The following ARNT2 variants were observed in gnomAD, a reference collection of about 807,000 sequenced individuals.
ARNT2 encodes the protein ARNT protein 2.
In ARNT2, 36 loss-of-function variants were observed where a neutral mutation model predicts 91.7. The ratio of observed to expected loss-of-function variants is 0.39; its 90% CI spans 0.30 to 0.52. ARNT2 has a LOEUF of 0.52. Among genes scored for constraint, ARNT2 ranks in the 20% least tolerant of loss-of-function variants. ARNT2 has a pLI of 0.72. For missense variants in ARNT2, 775 were observed against 939.3 expected (o/e 0.83, Z 2.29); for synonymous variants, 365 against 347.1 (o/e 1.05, Z -0.57).
chr15:80,497,957 G>C (rs890354959), intron 5 of ARNT2, among the ~76,000 whole-genome samples: 1 of 152,194 alleles, frequency 6.6e-6, no homozygotes. Flanking sequence ...CCAAGTGTTT[G>C]CAAGAAGCTG....
At position 80,580,888 on chromosome 15, in the gene ARNT2, C is replaced by T. The variant is rs137875251; in HGVS notation, c.1752+339C>T. On this transcript the variant is annotated intron_variant, in intron 16 of 18. Transcript: ENST00000303329. ...CGCCAGGAGGGCATGAAACCACCAA[C>T]CCTTGTGACATCCCCAGACCCTCAT... is the stretch of plus-strand genomic sequence containing the variant. 2.0e-3 allele frequency among the ~76,000 whole-genome samples: 309 copies of T among 152,210 alleles called. 2 individuals carry two copies. Among genetic ancestry groups the T allele is most frequent in the Middle Eastern group, 6.8e-3 (2 of 294 alleles).
rs192115611 is a variant in ARNT2, at chr15:80,414,922, C to T, written c.31+10376C>T. On this transcript the variant is annotated intron_variant, in intron 1 of 18. Coordinates refer to ENST00000303329, the MANE Select transcript of ARNT2 (RefSeq NM_014862.4). ...TGGGTTGGAAAGATGTGGCATAAAA[C>T]AGGTTGGCTACGTGTGTGTTCCATC... 4.2e-3 allele frequency among the ~76,000 whole-genome samples: 646 copies of T among 152,238 alleles called. 3 individuals are homozygous for T. Among genetic ancestry groups the T allele is most frequent in the South Asian group, 0.018 (85 of 4,818 alleles).
chr15:80,566,960 G>A (rs1328728103), intron 12 of ARNT2, among the ~76,000 whole-genome samples: 5 of 152,142 alleles, frequency 3.3e-5, no homozygotes, highest in African/African-American at 1.2e-4. Context: ...GCCAAATTAA[G>A]GATGTTTTAT....
intron 8 of ARNT2, among the ~76,000 whole-genome samples, chr15:80,543,117 A>G (rs973096805): frequency 3.8e-5 from 5 of 131,836 alleles, no homozygotes; most frequent in Admixed American, 1.5e-4. Context: ...AAAAAAAAAA[A>G]AAAAGAAAAG....
chr15:80,420,588 A>G (rs1895847898), intron 1 of ARNT2, among the ~76,000 whole-genome samples: 1 of 151,886 alleles, frequency 6.6e-6, no homozygotes, highest in Non-Finnish European at 1.5e-5. Context: ...TATATATATT[A>G]TGAACATATG....
At chr15:80,577,068 G>A in intron 15 of ARNT2, 103 bp downstream of exon 15, 1 of 1,158,962 alleles carries the variant, frequency 8.6e-7, no homozygotes, top group Non-Finnish European at 1.3e-6. Context: ...ATGAGTTAGT[G>A]GTTACTGGCG....
intron 17 of ARNT2, among the ~76,000 whole-genome samples, chr15:80,586,967 GA>G (rs1235830999): frequency 6.6e-6 from 1 of 152,162 alleles, no homozygotes; most frequent in Non-Finnish European, 1.5e-5. Flanking sequence ...TTGCTGATCT[GA>G]AATGTTTGCA....
At chr15:80,533,062 G>A (rs548281715) in intron 8 of ARNT2, among the ~76,000 whole-genome samples, 2 of 152,322 alleles carry the variant, frequency 1.3e-5, no homozygotes, top group East Asian at 1.9e-4. Flanking sequence ...AGGAGGGACC[G>A]GCTCCATGGC....
chr15:80,557,340 C>T (rs893276944), intron 11 of ARNT2, among the ~76,000 whole-genome samples: 9 of 152,136 alleles, frequency 5.9e-5, no homozygotes, highest in Non-Finnish European at 1.0e-4. Context: ...TCTCTCCTCC[C>T]TGTGATGTCT....
At chr15:80,585,519 G>A (rs1168437307) in intron 17 of ARNT2, among the ~76,000 whole-genome samples, 1 of 152,214 alleles carries the variant, frequency 6.6e-6, no homozygotes, top group Non-Finnish European at 1.5e-5. Context: ...TAAGAACTTG[G>A]AAGAGGAGAC....
At chr15:80,527,008 C>T (rs1897649763) in intron 8 of ARNT2, among the ~76,000 whole-genome samples, 1 of 152,226 alleles carries the variant, frequency 6.6e-6, no homozygotes, top group Non-Finnish European at 1.5e-5. Context: ...GGCATGAGTA[C>T]ATCAGGTCTC....
At chr15:80,538,991 T>G (rs1004133308) in intron 8 of ARNT2, among the ~76,000 whole-genome samples, 2 of 152,096 alleles carry the variant, frequency 1.3e-5, no homozygotes, top group Non-Finnish European at 2.9e-5. Context: ...AGGAAGGAAG[T>G]AACCAAATTT....
chr15:80,430,944 A>T (rs11637814), intron 1 of ARNT2, among the ~76,000 whole-genome samples: 38,525 of 151,830 alleles, frequency 0.25, 5,303 homozygotes, highest in Non-Finnish European at 0.32. Context: ...TGGTGCATGT[A>T]CGTGGTGATG....
At chr15:80,407,964 C>A (rs575622657) in intron 1 of ARNT2, among the ~76,000 whole-genome samples, 27 of 152,238 alleles carry the variant, frequency 1.8e-4, no homozygotes, top group African/African-American at 5.5e-4. Flanking sequence ...TGTGGACATT[C>A]TCTGAGATGA....
intron 2 of ARNT2, among the ~76,000 whole-genome samples, chr15:80,455,415 G>A (rs1896467729): frequency 6.6e-6 from 1 of 152,078 alleles, no homozygotes; most frequent in South Asian, 2.1e-4. Context: ...CCAAGTTCCC[G>A]GCGGACTTCA....
In ARNT2 at chr15:80,505,927, G is replaced by GTTTTT. The variant is rs1161520898; in HGVS notation, c.623-2213_623-2209dup. Reference sequence around the variant, plus strand: ...GAAAAAATGATTCCCAACATTTGTTGTTTTTTTTTTTTTTTTTTTTGAGAC... The same window carrying GTTTTT: ...GAAAAAATGATTCCCAACATTTGTTGTTTTTTTTTTTTTTTTTTTTTTTTTGAGAC... On this transcript the variant is annotated intron_variant, in intron 5 of 18. Transcript: ENST00000303329. Among the ~76,000 whole-genome samples, 85 of 88,938 alleles carry GTTTTT rather than the reference G, an allele frequency of 9.6e-4. 6 individuals carry two copies. Among genetic ancestry groups the GTTTTT allele is most frequent in the Non-Finnish European group, 1.7e-3 (79 of 46,350 alleles). The allele number at this position is 88,938 out of a possible 152,430, so 58.3% of individuals were successfully genotyped here. A position where few individuals can be genotyped will look rare whatever the true frequency, so the allele number is the denominator to read the frequency against.
chr15:80,458,014 A>G (rs1896503801), intron 3 of ARNT2, 38 bp downstream of exon 3: 2 of 1,582,536 alleles, frequency 1.3e-6, no homozygotes, highest in Non-Finnish European at 8.7e-7. Context: ...TAAAGAAGGC[A>G]ATAGCCAGCA....
chr15:80,467,234 A>G (rs896658816), intron 3 of ARNT2, among the ~76,000 whole-genome samples: 1 of 152,200 alleles, frequency 6.6e-6, no homozygotes. Context: ...GGTTGGTGAC[A>G]AGGGGAAAAG....
At chr15:80,585,092 G>A (rs989257788) in intron 17 of ARNT2, among the ~76,000 whole-genome samples, 3 of 152,198 alleles carry the variant, frequency 2.0e-5, no homozygotes, top group Non-Finnish European at 4.4e-5. Flanking sequence ...TTTGTTCAAC[G>A]AGCTTTCAGG....
Sources: allele counts gnomAD v4.1 joint callset (sites outside exome capture counted in the v4.1 genomes callset), GRCh38; gene constraint gnomAD v4.1.1; transcripts MANE v1.5; gene names NCBI Gene and HGNC (gene_info 2026-07-23, HGNC 2026-07-21).